The following ZBTB16 variants were observed in gnomAD, a reference collection of about 807,000 sequenced individuals.
ZBTB16 encodes zinc finger and BTB domain-containing protein 16.
In ZBTB16, 8 loss-of-function variants were observed where a neutral mutation model predicts 56.8. The ratio of observed to expected loss-of-function variants is 0.14; its 90% CI spans 0.08 to 0.25. ZBTB16 has a LOEUF of 0.25. ZBTB16 is among the 10% of genes least tolerant of loss of function. ZBTB16 has a pLI of 1.00. For missense variants in ZBTB16, 625 were observed against 903.0 expected (o/e 0.69, Z 3.95); for synonymous variants, 363 against 368.5 (o/e 0.98, Z 0.17).
At chr11:114,159,480 T>C (rs557730100) in intron 3 of ZBTB16, among the ~76,000 whole-genome samples, 2 of 152,314 alleles carry the variant, frequency 1.3e-5, no homozygotes, top group Admixed American at 6.5e-5. Flanking sequence ...ATATTTCTAT[T>C]CTTTTTTTTC....
At chr11:114,154,467 C>T (rs1175119065) in intron 2 of ZBTB16, among the ~76,000 whole-genome samples, 1 of 152,192 alleles carries the variant, frequency 6.6e-6, no homozygotes, top group Admixed American at 6.5e-5. Flanking sequence ...AAGTATCTAT[C>T]ATGCCCGGGC....
Position 114,250,661 on chromosome 11 carries a change from C to A in ZBTB16, c.*106C>A. 1.6e-6 allele frequency: 2 copies of A among 1,238,864 alleles called. No homozygotes were observed. The highest frequency in any genetic ancestry group is 2.3e-6 in the Non-Finnish European group (2 of 887,870). The allele number at this position is 1,238,864 out of a possible 1,614,324, so 76.7% of individuals were successfully genotyped here. A position where few individuals can be genotyped will look rare whatever the true frequency, so the allele number is the denominator to read the frequency against. ...TAAAAAAGGAAAAGAAAAAAAAAAA[C>A]AGAAGGAAAAGGAAACCTGGTAGCT... On this transcript the variant is annotated 3_prime_UTR_variant, in exon 7 of 7. Transcript: ENST00000335953. The surrounding 1 kb of genome is among the most constrained non-coding windows in gnomAD (Gnocchi z 6.0).
chr11:114,074,975 C>T (rs1591640885), intron 2 of ZBTB16, among the ~76,000 whole-genome samples: 1 of 152,128 alleles, frequency 6.6e-6, no homozygotes, highest in East Asian at 1.9e-4. Context: ...GACGGCTGTG[C>T]AGTGACAGAG....
At chr11:114,210,616 G>GC (rs1943980375) in intron 4 of ZBTB16, 1 of 227,326 alleles carries the variant, frequency 4.4e-6, no homozygotes, top group South Asian at 1.8e-4. Flanking sequence ...TTTACCAAGA[G>GC]CGTCTGTCTT....
intron 4 of ZBTB16, among the ~76,000 whole-genome samples, chr11:114,230,915 C>T (rs763668725): frequency 3.9e-5 from 6 of 152,136 alleles, no homozygotes; most frequent in Admixed American, 6.5e-5. Flanking sequence ...CTCCTGCCTC[C>T]TGCCTCTGCC....
At chr11:114,215,129 A>G (rs1944071043) in intron 4 of ZBTB16, among the ~76,000 whole-genome samples, 1 of 152,160 alleles carries the variant, frequency 6.6e-6, no homozygotes, top group Non-Finnish European at 1.5e-5. Flanking sequence ...ATGTCCCTTA[A>G]TGAGTGCTAT....
intron 2 of ZBTB16, among the ~76,000 whole-genome samples, chr11:114,086,484 T>G (rs960712174): frequency 6.6e-6 from 1 of 152,190 alleles, no homozygotes; most frequent in African/African-American, 2.4e-5. Context: ...CGTTTGAGTT[T>G]AAGTTTTATC....
chr11:114,209,273 A>G (rs1306182021), intron 4 of ZBTB16: 1 of 586,110 alleles, frequency 1.7e-6, no homozygotes, highest in Non-Finnish European at 2.1e-6. Context: ...CTGGAGAAGG[A>G]TTTGCTGGCC....
intron 2 of ZBTB16, among the ~76,000 whole-genome samples, chr11:114,140,815 T>C (rs901496946): frequency 2.0e-5 from 3 of 152,220 alleles, no homozygotes; most frequent in African/African-American, 7.2e-5. Context: ...AGTGATACCA[T>C]GTTGGCATTT....
intron 2 of ZBTB16, among the ~76,000 whole-genome samples, chr11:114,144,183 C>CAA (rs754820892): frequency 6.8e-4 from 82 of 119,872 alleles, no homozygotes; most frequent in Non-Finnish European, 1.1e-3. Flanking sequence ...GCCAGACACA[C>CAA]ACACACACAC....
Position 114,251,120 on chromosome 11 carries a change from T to C in ZBTB16, c.*565T>C, listed in dbSNP as rs915298040. 7.9e-5 allele frequency among the ~76,000 whole-genome samples: 12 copies of C among 152,228 alleles called. No homozygotes were observed. Among genetic ancestry groups the C allele is most frequent in the Middle Eastern group, 3.4e-3 (1 of 292 alleles). On this transcript the variant is annotated 3_prime_UTR_variant, in exon 7 of 7. Transcript: ENST00000335953. ...TCTTCCCACCACTCAGCCCACCTGC[T>C]GCTTTCCTCTGCTTTGCCACATCTG...
intron 2 of ZBTB16, among the ~76,000 whole-genome samples, chr11:114,070,887 G>GGGCTCCT (rs1224770820): frequency 5.3e-5 from 8 of 152,128 alleles, no homozygotes; most frequent in Non-Finnish European, 7.4e-5. Context: ...ATAATCTCCT[G>GGGCTCCT]GGCTCCTGGA....
In ZBTB16 at chr11:114,217,305, G is replaced by A. The variant is rs558205994; in HGVS notation, c.1454-24862G>A. On this transcript the variant is annotated intron_variant, in intron 4 of 6. Transcript: ENST00000335953. ...AGATCAGATACATTTTGGATAGGTC[G>A]CACTGGTGGTTCTGTGCAGGTGAGA... Among the ~76,000 whole-genome samples the A allele has an allele frequency of 8.5e-5, 13 of 152,268 alleles. No individual in the cohort carries two copies. The East Asian group carries it at 2.1e-3, about 25-fold the overall frequency.
At chr11:114,234,624 G>A (rs1459111095) in intron 4 of ZBTB16, among the ~76,000 whole-genome samples, 1 of 152,214 alleles carries the variant, frequency 6.6e-6, no homozygotes, top group Admixed American at 6.5e-5. Context: ...TTGTCCAGTA[G>A]ATTCCTTGAA....
Position 114,251,150 on chromosome 11 carries a change from T to TC in ZBTB16, c.*600dup. 6.6e-6 allele frequency among the ~76,000 whole-genome samples: 1 copy of TC among 152,218 alleles called. No individual in the cohort carries two copies. Among genetic ancestry groups the TC allele is most frequent in the East Asian group, 1.9e-4 (1 of 5,174 alleles). ...TCCTCTGCTTTGCCACATCTGGGTG[T>TC]CCCCCGGTGGTCTCTGAGAGCCTCA... On this transcript the variant is annotated 3_prime_UTR_variant, in exon 7 of 7. Coordinates refer to ENST00000335953, the MANE Select transcript of ZBTB16 (RefSeq NM_006006.6).
intron 3 of ZBTB16, among the ~76,000 whole-genome samples, chr11:114,176,039 C>T (rs999693516): frequency 6.6e-6 from 1 of 151,492 alleles, no homozygotes; most frequent in African/African-American, 2.4e-5. Flanking sequence ...GTGAAATCCT[C>T]CATGCCATAT....
intron 4 of ZBTB16, among the ~76,000 whole-genome samples, chr11:114,230,794 GTTTTATTTTGAAT>G (rs1565698384): frequency 6.6e-6 from 1 of 151,944 alleles, no homozygotes; most frequent in African/African-American, 2.4e-5. Flanking sequence ...TCAGTATTTC[GTTTTATTTTGAAT>G]TTCTGTCTCG....
intron 3 of ZBTB16, among the ~76,000 whole-genome samples, chr11:114,158,805 T>C (rs555716174): frequency 1.5e-4 from 23 of 152,346 alleles, no homozygotes; most frequent in African/African-American, 5.5e-4. Flanking sequence ...CTGTCCACGT[T>C]ATGTCCAGCA....
intron 2 of ZBTB16, among the ~76,000 whole-genome samples, chr11:114,148,773 G>A (rs974140748): frequency 1.3e-5 from 2 of 151,880 alleles, no homozygotes; most frequent in East Asian, 1.9e-4. Context: ...GATTATAGGC[G>A]TGAGCCACCG....
Sources: allele counts gnomAD v4.1 joint callset (sites outside exome capture counted in the v4.1 genomes callset), GRCh38; gene constraint gnomAD v4.1.1; non-coding constraint Gnocchi (gnomAD v3.1); transcripts MANE v1.5; gene names NCBI Gene and HGNC (gene_info 2026-07-23, HGNC 2026-07-21).